Variants in FHIT observed in about 807,000 individuals in gnomAD.
FHIT encodes bis(5'-adenosyl)-triphosphatase.
A neutral mutation model predicts 17.9 loss-of-function variants in FHIT; 19 were observed. That is an observed-to-expected ratio of 1.06 (90% CI 0.74 to 1.56). FHIT has a LOEUF of 1.56. FHIT is among the 40% of genes most tolerant of loss of function. The probability of loss-of-function intolerance (pLI) is 0.00; values close to 1 mark genes in which losing one functional copy is unlikely to be tolerated. For missense variants in FHIT, 248 were observed against 189.2 expected (o/e 1.31, Z -1.82); for synonymous variants, 81 against 69.7 (o/e 1.16, Z -0.81).
chr3:60,744,269 A>AAAAAAAAAAAAAAAAAAAAAC (rs2042306809), intron 4 of FHIT, among the ~76,000 whole-genome samples: 1 of 16,054 alleles, frequency 6.2e-5, no homozygotes, highest in South Asian at 1.7e-3. Flanking sequence ...AAAACAAAAC[A>AAAAAAAAAAAAAAAAAAAAAC]AAAAAAAAAA....
Position 60,920,980 on chromosome 3 carries a change from G to C in FHIT, c.-110-98969C>G, listed in dbSNP as rs148133959. On this transcript the variant is annotated intron_variant, in intron 3 of 9. Transcript: ENST00000492590. ...AAACTGCCGCAGACGATTTCTCTGA[G>C]GGCTAACTGTATAAGTATAGGTTCA... Among the ~76,000 whole-genome samples, 103 of 152,196 alleles carry C rather than the reference G, an allele frequency of 6.8e-4. 1 individual carries two copies. Among genetic ancestry groups the C allele is most frequent in the African/African-American group, 2.3e-3 (94 of 41,528 alleles).
chr3:60,330,064 T>C (rs897383372), intron 5 of FHIT, among the ~76,000 whole-genome samples: 3 of 152,164 alleles, frequency 2.0e-5, no homozygotes, highest in Non-Finnish European at 4.4e-5. Context: ...GCTTTCATGA[T>C]CTCACCAATA....
chr3:61,208,142 T>C (rs932015609), intron 1 of FHIT, among the ~76,000 whole-genome samples: 10 of 152,188 alleles, frequency 6.6e-5, no homozygotes, highest in Non-Finnish European at 1.2e-4. Context: ...AGTTTCTTAA[T>C]CCTGAGTTCT....
chr3:61,063,272 A>T (rs1192853036), intron 2 of FHIT, among the ~76,000 whole-genome samples: 4 of 151,330 alleles, frequency 2.6e-5, no homozygotes, highest in African/African-American at 7.3e-5. Context: ...AAAAAAGATT[A>T]GTTTTAAGTG....
intron 5 of FHIT, among the ~76,000 whole-genome samples, chr3:60,474,233 A>C (rs775759579): frequency 2.6e-5 from 4 of 152,344 alleles, no homozygotes; most frequent in East Asian, 3.9e-4. Context: ...GCAAAGCCTA[A>C]ATAATTTTCT....
At chr3:60,361,402 A>C (rs1195181525) in intron 5 of FHIT, among the ~76,000 whole-genome samples, 2 of 152,116 alleles carry the variant, frequency 1.3e-5, no homozygotes, top group Middle Eastern at 3.2e-3. Context: ...ACACAAAAAA[A>C]TCCTGTGTTT....
intron 8 of FHIT, among the ~76,000 whole-genome samples, chr3:59,774,441 A>G (rs1171632622): frequency 6.6e-6 from 1 of 152,242 alleles, no homozygotes; most frequent in Admixed American, 6.5e-5. Context: ...AGGTTCGGCA[A>G]GTTACCTCAC....
At chr3:59,822,235 G>A (rs1288766808) in intron 8 of FHIT, among the ~76,000 whole-genome samples, 41 of 152,110 alleles carry the variant, frequency 2.7e-4, no homozygotes, top group Non-Finnish European at 4.4e-5. Context: ...TTTTGCAATT[G>A]TGAATTGTGC....
At chr3:60,488,953 T>G (rs2033953713) in intron 5 of FHIT, among the ~76,000 whole-genome samples, 1 of 152,194 alleles carries the variant, frequency 6.6e-6, no homozygotes, top group Admixed American at 6.5e-5. Context: ...GAATCCCTTT[T>G]CAGTTTTAAT....
At chr3:60,803,595 G>A (rs1701276931) in intron 4 of FHIT, among the ~76,000 whole-genome samples, 1 of 152,194 alleles carries the variant, frequency 6.6e-6, no homozygotes, top group African/African-American at 2.4e-5. Flanking sequence ...GTGGCTGAGG[G>A]TGGTGTGAGT....
At chr3:60,113,508 G>C (rs753435242) in intron 5 of FHIT, among the ~76,000 whole-genome samples, 2 of 151,816 alleles carry the variant, frequency 1.3e-5, no homozygotes, top group Non-Finnish European at 2.9e-5. Flanking sequence ...CTATGCGCCA[G>C]TCACTGTACC....
At chr3:61,147,005 G>A (rs998408426) in intron 2 of FHIT, among the ~76,000 whole-genome samples, 1 of 151,856 alleles carries the variant, frequency 6.6e-6, no homozygotes, top group African/African-American at 2.4e-5. Context: ...TCCACCCAGT[G>A]GAAATAAATC....
At chr3:60,653,846 G>C in intron 4 of FHIT, among the ~76,000 whole-genome samples, 1 of 152,150 alleles carries the variant, frequency 6.6e-6, no homozygotes, top group Non-Finnish European at 1.5e-5. Flanking sequence ...CATGCAGAAA[G>C]TTTACCTCCC....
At chr3:60,375,679 T>C (rs537585712) in intron 5 of FHIT, among the ~76,000 whole-genome samples, 37 of 152,268 alleles carry the variant, frequency 2.4e-4, no homozygotes, top group Non-Finnish European at 4.4e-4. Context: ...TGGTTAGTTG[T>C]AGTTACTTTC....
intron 8 of FHIT, among the ~76,000 whole-genome samples, chr3:59,813,178 A>G (rs1440824844): frequency 6.6e-6 from 1 of 152,168 alleles, no homozygotes; most frequent in Non-Finnish European, 1.5e-5. Context: ...TTAGTTGGTA[A>G]TTGTCTTTGA....
intron 4 of FHIT, among the ~76,000 whole-genome samples, chr3:60,626,785 C>CTTTTTTTTTTT (rs60098225): frequency 7.5e-6 from 1 of 133,986 alleles, no homozygotes; most frequent in African/African-American, 2.8e-5. Context: ...GGAAAACACT[C>CTTTTTTTTTTT]TTTTTTTTTT....
chr3:60,817,806 C>A (rs527797464), intron 4 of FHIT, among the ~76,000 whole-genome samples: 11 of 152,032 alleles, frequency 7.2e-5, no homozygotes, highest in African/African-American at 2.7e-4. Flanking sequence ...AATTTGGGCC[C>A]ATTATTTCTT....
chr3:60,809,568 T>C (rs539033230), intron 4 of FHIT, among the ~76,000 whole-genome samples: 2 of 152,328 alleles, frequency 1.3e-5, no homozygotes, highest in South Asian at 2.1e-4. Context: ...ACCCCACTTA[T>C]AAATATCATC....
At chr3:59,802,775 C>T (rs554099368) in intron 8 of FHIT, among the ~76,000 whole-genome samples, 8 of 152,304 alleles carry the variant, frequency 5.3e-5, no homozygotes, top group South Asian at 2.1e-4. Flanking sequence ...CACAGGTGTT[C>T]ATTGAGGGCC....
Sources: gnomAD v4.1 joint callset for allele counts (sites outside exome capture counted in the v4.1 genomes callset) on GRCh38, gnomAD v4.1.1 for gene constraint, MANE v1.5 for transcripts, NCBI Gene and HGNC (gene_info 2026-07-23, HGNC 2026-07-21) for gene names.